MUC4: variants seen among roughly 807,000 people sequenced by gnomAD.
MUC4 encodes mucin-4.
MUC4 carries 202 observed loss-of-function variants against 257.9 expected under a neutral mutation model. The ratio of observed to expected loss-of-function variants is 0.78; its 90% CI spans 0.70 to 0.88. The LOEUF is 0.88. Among genes scored for constraint, MUC4 ranks in the 40% least tolerant of loss-of-function variants. The probability of loss-of-function intolerance (pLI) is 0.00; values close to 1 mark genes in which losing one functional copy is unlikely to be tolerated. For synonymous variants in MUC4, 2,351 were observed against 2,757.1 expected (o/e 0.85, Z 4.62); for missense variants, 5,976 against 6,513.7 (o/e 0.92, Z 2.84).
At chr3:195,778,171 C>G in intron 3 of MUC4, 132 bp downstream of exon 3, 2 of 1,240,028 alleles carry the variant, frequency 1.6e-6, no homozygotes, top group South Asian at 3.3e-5. Flanking sequence ...AGGAGCGACT[C>G]CGATGCTGTG....
In MUC4 at chr3:195,764,181, T is replaced by A; in HGVS notation, c.13925-17A>T. The A allele has an allele frequency of 1.3e-6, 2 of 1,555,512 alleles. No homozygotes were observed. The highest frequency in any genetic ancestry group is 1.7e-6 in the Non-Finnish European group (2 of 1,149,718). On this transcript the variant is annotated splice_polypyrimidine_tract_variant and intron_variant, in intron 10 of 24. Transcript: ENST00000463781. ...GTTCCTGGGCTGCGGAGAACAGCAG[T>A]GAGTCGGGGAGGTTGAGGACCTGGA...
At position 195,771,208 on chromosome 3, in the gene MUC4, GTTGGGTTGGTGTATT is replaced by G. The variant is rs1372669731; in HGVS notation, c.13242+429_13242+443del. Among the ~76,000 whole-genome samples, 32 of 51,644 alleles carry G rather than the reference GTTGGGTTGGTGTATT, an allele frequency of 6.2e-4. 5 individuals are homozygous for G. The highest frequency in any genetic ancestry group is 2.5e-3 in the African/African-American group (23 of 9,156). 33.9% of individuals were successfully genotyped at this position (51,644 alleles called of 152,430 possible). On this transcript the variant is annotated intron_variant, in intron 5 of 24. Coordinates refer to ENST00000463781, the MANE Select transcript of MUC4 (RefSeq NM_018406.7). ...TGGGGTATTCCTGGTCAGTCTCGTG[GTTGGGTTGGTGTATT>G]CCTGGTCAGTCTCGTGGTTGGGTTG...
In MUC4 at chr3:195,774,164, G is replaced by C; in HGVS notation, c.13077+8C>G. On this transcript the variant is annotated splice_region_variant and intron_variant, in intron 4 of 24. Transcript: ENST00000463781. Reference sequence around the variant, plus strand: ...GTTCAGGCTGCGCGGGCCGCAGCCCGGACTCACGTAGAGGGAATCACGGAG... The same window carrying C: ...GTTCAGGCTGCGCGGGCCGCAGCCCCGACTCACGTAGAGGGAATCACGGAG... 6.2e-7 allele frequency: 1 copy of C among 1,601,102 alleles called. No homozygotes were observed. Among genetic ancestry groups the C allele is most frequent in the Non-Finnish European group, 8.5e-7 (1 of 1,174,784 alleles).
intron 13 of MUC4, among the ~76,000 whole-genome samples, chr3:195,762,484 AC>A (rs1560245770): frequency 1.4e-5 from 2 of 146,860 alleles, no homozygotes; most frequent in Non-Finnish European, 3.0e-5. Context: ...ACCGCCACGC[AC>A]CGGGCCCGGC....
rs1489648456 is a variant in MUC4 at position 195,790,241 on chromosome 3, T to G, written c.1339A>C (p.Ile447Leu). 6.2e-7 allele frequency: 1 copy of G among 1,614,022 alleles called. No homozygotes were observed. Among genetic ancestry groups the G allele is most frequent in the Non-Finnish European group, 8.5e-7 (1 of 1,179,890 alleles). ...ALSPSSLPPK[I>L]STAFHTQQSE... is the part of the protein sequence containing the mutation. ...TGCTGGGTGTGGAAAGCTGTGGATA[T>G]TTTTGGAGGTAGAGAACTGGGGGAG... The change falls in exon 2 of 25, where the codon ATA (isoleucine) becomes CTA (leucine). Residue 447 changes from isoleucine to leucine, a missense_variant. By Grantham distance (5) the Ile-to-Leu change is conservative (BLOSUM62 2). Transcript: ENST00000463781.
rs1236192412 is a variant in MUC4 at position 195,788,741 on chromosome 3, G to A, written c.2839C>T (p.Leu947Phe). The change falls in exon 2 of 25, where the codon CTT becomes TTT. Residue 947 changes from leucine to phenylalanine, a missense_variant. Physicochemically the swap from Leu to Phe is conservative, Grantham distance 22. Coordinates refer to ENST00000463781, the MANE Select transcript of MUC4 (RefSeq NM_018406.7). Reference protein sequence around the residue: ...PTPPSITSTGLTSPQTETHTL... With the variant: ...PTPPSITSTGFTSPQTETHTL... ...TGGGTCTCGGTTTGTGGAGATGTAA[G>A]CCCAGTGGATGTGATCGATGGAGGT... 2.5e-6 allele frequency: 4 copies of A among 1,610,984 alleles called. No homozygotes were observed. The highest frequency in any genetic ancestry group is 1.1e-5 in the South Asian group (1 of 90,822).
intron 19 of MUC4, chr3:195,753,603 T>C (rs1204653250): frequency 6.2e-6 from 2 of 324,492 alleles, no homozygotes; most frequent in Non-Finnish European, 1.1e-5. Flanking sequence ...GCCTCGGCTC[T>C]GAAGGCACAG....
chr3:195,788,514 G>A lies in MUC4; in HGVS notation c.3066C>T (p.Thr1022=), dbSNP rs1158756722. ...TSPSSVSTGH[T]TPLPVTDTSS... ...AAGTGTCGGTGACAGGAAGAGGGGT[G>A]GTGTGACCTGTGGATACTGAGGAAG... The change falls in exon 2 of 25, where the codon ACC becomes ACT. Residue 1022 remains threonine (T), a synonymous_variant. Transcript: ENST00000463781. The A allele has an allele frequency of 1.3e-6, 2 of 1,493,140 alleles. No homozygotes were observed. The highest frequency in any genetic ancestry group is 2.1e-5 in the Admixed American group (1 of 47,728). The allele number at this position is 1,493,140 out of a possible 1,614,324, so 92.5% of individuals were successfully genotyped here.
chr3:195,768,195 C>T (rs1171354092), intron 7 of MUC4, among the ~76,000 whole-genome samples: 1 of 152,198 alleles, frequency 6.6e-6, no homozygotes, highest in Non-Finnish European at 1.5e-5. Flanking sequence ...CCTCCTTTCT[C>T]CTTCATAGCA....
intron 1 of MUC4, among the ~76,000 whole-genome samples, chr3:195,800,001 G>C (rs773856834): frequency 7.9e-5 from 12 of 152,242 alleles, no homozygotes; most frequent in Non-Finnish European, 1.5e-4. Context: ...AAATCGGCCA[G>C]GTGCGGTGCC....
Position 195,782,945 on chromosome 3 carries a change from TGGCATGACCTGTGGACACTGAGGA to T in MUC4, c.8611_8634del (p.Ser2871_Ala2878del), listed in dbSNP as rs1729035310. On this transcript the variant is annotated inframe_deletion, in exon 2 of 25. Coordinates refer to ENST00000463781, the MANE Select transcript of MUC4 (RefSeq NM_018406.7). ...GAAGCGTCGGTGACAGGAAGAGGGG[TGGCATGACCTGTGGACACTGAGGA>T]AGCGTCGGTGACAGGAAGAGAGGTG... is the stretch of plus-strand genomic sequence containing the variant. 1 of 1,208,110 alleles carries T rather than the reference TGGCATGACCTGTGGACACTGAGGA, an allele frequency of 8.3e-7. No homozygotes were observed. 74.8% of individuals were successfully genotyped at this position (1,208,110 alleles called of 1,614,324 possible).
intron 18 of MUC4, among the ~76,000 whole-genome samples, chr3:195,756,646 CTTTT>C (rs1560230915): frequency 8.5e-4 from 7 of 8,216 alleles, no homozygotes; most frequent in African/African-American, 1.8e-3. Flanking sequence ...TTCTTTCTTT[CTTTT>C]CTTTTCTTTT....
Position 195,747,129 on chromosome 3 carries a change from G to A in MUC4, c.*47C>T, listed in dbSNP as rs375654560. 1 of 1,608,076 alleles carries A rather than the reference G, an allele frequency of 6.2e-7. No homozygotes were observed. The highest frequency in any genetic ancestry group is 1.3e-5 in the African/African-American group (1 of 74,704). ...AAAGCAATGGCGCCTTAAATGTGCG[G>A]TAAGGATGAGGTGAGTCTTGAGGTA... On this transcript the variant is annotated 3_prime_UTR_variant, in exon 25 of 25. Transcript: ENST00000463781.
rs761390306 is a variant in MUC4 at position 195,765,290 on chromosome 3, CG to C, written c.13777del (p.Arg4593AspfsTer7). The C allele has an allele frequency of 6.2e-7, 1 of 1,612,904 alleles. No homozygotes were observed. Among genetic ancestry groups the C allele is most frequent in the Non-Finnish European group, 8.5e-7 (1 of 1,179,552 alleles). On this transcript the variant is annotated frameshift_variant, in exon 9 of 25. Transcript: ENST00000463781. LOFTEE classifies it high-confidence loss of function. ...GTCACCTATGCTGACGGGTTGGAAT[CG>C]TAAGTCCCGTCGTCCCTGCTGCCAG... is the stretch of plus-strand genomic sequence containing the variant. Reference protein sequence around the residue: ...CSWQQGRRDLRFQPVSIGRWG... With the variant: ...CSWQQGRRDLXFQPVSIGRWG...
intron 3 of MUC4, 38 bp downstream of exon 3, chr3:195,778,265 C>G (rs1256516293): frequency 6.5e-7 from 1 of 1,549,556 alleles, no homozygotes; most frequent in Non-Finnish European, 8.7e-7. Context: ...AGTTACATCA[C>G]CCCTCAAAAG....
rs150831688 is a variant in MUC4 at position 195,793,104 on chromosome 3, C to T, written c.83-1607G>A. 2.1e-4 allele frequency among the ~76,000 whole-genome samples: 31 copies of T among 147,866 alleles called. No homozygotes were observed. In the East Asian group the frequency reaches 5.6e-3, roughly 27 times the overall value. ...CTGTGTAACAAACCTGCACGTTCTG[C>T]ACATGTATCCTGAAACTTAAAGTAA... On this transcript the variant is annotated intron_variant, in intron 1 of 24. Coordinates refer to ENST00000463781, the MANE Select transcript of MUC4 (RefSeq NM_018406.7).
Position 195,782,947 on chromosome 3 carries a change from G to A in MUC4, c.8633C>T (p.Ala2878Val), listed in dbSNP as rs1460878688. ...AGCGTCGGTGACAGGAAGAGGGGTGGCATGACCTGTGGACACTGAGGAAGC... is the reference window on the plus strand; with the variant it reads ...AGCGTCGGTGACAGGAAGAGGGGTGACATGACCTGTGGACACTGAGGAAGC... ...TDASSVSTGHATPLPVTDASS... is the reference protein window; with the variant it reads ...TDASSVSTGHVTPLPVTDASS... The change falls in exon 2 of 25, where the codon GCC becomes GTC. Residue 2878 changes from alanine (A) to valine (V), a missense_variant. Ala to Val is a moderately conservative substitution (Grantham distance 64). Coordinates refer to ENST00000463781, the MANE Select transcript of MUC4 (RefSeq NM_018406.7). The A allele has an allele frequency of 4.2e-5, 51 of 1,209,028 alleles. 4 individuals are homozygous for A. Among genetic ancestry groups the A allele is most frequent in the Non-Finnish European group, 5.2e-5 (47 of 903,202 alleles). 74.9% of individuals were successfully genotyped at this position (1,209,028 alleles called of 1,614,324 possible).
chr3:195,798,865 G>A (rs527922520), intron 1 of MUC4, among the ~76,000 whole-genome samples: 18 of 152,218 alleles, frequency 1.2e-4, no homozygotes, highest in African/African-American at 2.9e-4. Flanking sequence ...TTATGTCTTG[G>A]ATGGCAGTTC....
chr3:195,754,978 G>GT (rs1717374677), intron 18 of MUC4, among the ~76,000 whole-genome samples: 2 of 152,140 alleles, frequency 1.3e-5, no homozygotes, highest in African/African-American at 4.8e-5. Context: ...ATGTATCCAT[G>GT]TGTGTATGTA....
Sources: gnomAD v4.1 joint callset for allele counts (sites outside exome capture counted in the v4.1 genomes callset) on GRCh38, gnomAD v4.1.1 for gene constraint, MANE v1.5 for transcripts, NCBI Gene and HGNC (gene_info 2026-07-23, HGNC 2026-07-21) for gene names.